DNM3: variants seen among roughly 807,000 people sequenced by gnomAD.
DNM3 encodes the protein dynamin 3, also known as dynamin-3.
DNM3 carries 47 observed loss-of-function variants against 101.6 expected under a neutral mutation model. That is an observed-to-expected ratio of 0.46 (90% CI 0.37 to 0.59). The LOEUF is 0.59. Ranked by LOEUF, DNM3 falls within the 20% of genes least tolerant of loss-of-function variation. The probability of loss-of-function intolerance (pLI) is 0.00; values close to 1 mark genes in which losing one functional copy is unlikely to be tolerated. For synonymous variants in DNM3, 385 were observed against 387.9 expected, an observed-to-expected ratio of 0.99 and a Z score of 0.09; for missense variants, 849 against 1,085.7, an observed-to-expected ratio of 0.78 and a Z score of 3.06.
chr1:172,077,529 T>A (rs542910996), intron 11 of DNM3, among the ~76,000 whole-genome samples: 4 of 152,332 alleles, frequency 2.6e-5, no homozygotes, highest in Admixed American at 2.0e-4. Context: ...CTCTCATTGG[T>A]TGCAAAGAAC....
intron 16 of DNM3, among the ~76,000 whole-genome samples, chr1:172,312,806 G>A (rs761632494): frequency 1.3e-5 from 2 of 152,126 alleles, no homozygotes; most frequent in African/African-American, 2.4e-5. Flanking sequence ...TCTACAATAT[G>A]ATAAGATCTA....
downstream of DNM3, chr1:172,415,307 C>G (rs936543361): frequency 7.2e-5 from 11 of 152,028 alleles, no homozygotes; most frequent in African/African-American, 2.4e-4. Context: ...TTCTCTCTGA[C>G]TCTCCAAAAA....
chr1:171,904,095 C>A (rs917309706), intron 1 of DNM3, among the ~76,000 whole-genome samples: 1 of 151,552 alleles, frequency 6.6e-6, no homozygotes, highest in Non-Finnish European at 1.5e-5. Flanking sequence ...ATCTCTTGAG[C>A]CCAGGAGTTT....
chr1:171,877,871 G>A (rs992543265), intron 1 of DNM3, among the ~76,000 whole-genome samples: 1 of 152,152 alleles, frequency 6.6e-6, no homozygotes, highest in Non-Finnish European at 1.5e-5. Context: ...GGTTTGAATC[G>A]TGGTTAAGAC....
chr1:172,020,574 T>C (rs933649414), intron 4 of DNM3, among the ~76,000 whole-genome samples: 3 of 151,346 alleles, frequency 2.0e-5, no homozygotes, highest in Non-Finnish European at 4.4e-5. Flanking sequence ...CAAAAAAAAA[T>C]TAGCCGGGCA....
chr1:172,323,302 T>G (rs1402060945), intron 16 of DNM3, 27 bp from the exon 17 acceptor site: 2 of 1,585,062 alleles, frequency 1.3e-6, no homozygotes, highest in Non-Finnish European at 1.7e-6. Flanking sequence ...ATATTTCTCT[T>G]TCTTTTCCTT....
intron 1 of DNM3, among the ~76,000 whole-genome samples, chr1:171,895,287 C>T (rs1383779882): frequency 1.3e-5 from 2 of 152,216 alleles, no homozygotes; most frequent in African/African-American, 2.4e-5. Flanking sequence ...TCCACATTCT[C>T]TCCAGCATCT....
chr1:172,321,156 AC>A (rs2065696094), intron 16 of DNM3, among the ~76,000 whole-genome samples: 1 of 152,154 alleles, frequency 6.6e-6, no homozygotes, highest in African/African-American at 2.4e-5. Flanking sequence ...TCTTGGACAA[AC>A]TCTGAAAGTG....
chr1:172,407,675 T>G, intron 20 of DNM3, 97 bp from the exon 21 acceptor site: 1 of 1,239,576 alleles, frequency 8.1e-7, no homozygotes, highest in Non-Finnish European at 1.2e-6. Context: ...TGTATGTGCA[T>G]GAGCATGTGT....
At chr1:171,882,168 A>AC (rs1370086846) in intron 1 of DNM3, among the ~76,000 whole-genome samples, 2 of 151,640 alleles carry the variant, frequency 1.3e-5, no homozygotes. Flanking sequence ...ACATGGAGAA[A>AC]CCCCATCTCT....
chr1:172,019,274 C>T (rs1192311212), intron 4 of DNM3, among the ~76,000 whole-genome samples: 2 of 151,494 alleles, frequency 1.3e-5, no homozygotes, highest in African/African-American at 4.9e-5. Context: ...GATAATTTTG[C>T]AGGGTACAGA....
chr1:172,236,101 A>G (rs1573067655), intron 14 of DNM3, among the ~76,000 whole-genome samples: 1 of 152,138 alleles, frequency 6.6e-6, no homozygotes, highest in Non-Finnish European at 1.5e-5. Flanking sequence ...CTCCACTCCA[A>G]AATGTGTTCC....
rs568914375 is a variant in DNM3, at chr1:172,234,398, G to A, written c.1660-19175G>A. 2.1e-4 allele frequency among the ~76,000 whole-genome samples: 32 copies of A among 151,912 alleles called. 1 individual carries two copies. In the East Asian group the frequency reaches 3.7e-3, roughly 17 times the overall value. ...CAACGAAATAAAAGAGGATACAAAT[G>A]GAAGAACATTCCATGCTCATGGATA... On this transcript the variant is annotated intron_variant, in intron 14 of 20. Coordinates refer to ENST00000627582, the MANE Select transcript of DNM3 (RefSeq NM_015569.5).
chr1:171,955,069 T>G (rs1158698545), intron 2 of DNM3, among the ~76,000 whole-genome samples: 1 of 152,232 alleles, frequency 6.6e-6, no homozygotes, highest in Non-Finnish European at 1.5e-5. Flanking sequence ...TGGGCAGTAC[T>G]GCTAAGTGAT....
chr1:171,986,358 A>G (rs2045255745), intron 2 of DNM3, among the ~76,000 whole-genome samples: 1 of 151,764 alleles, frequency 6.6e-6, no homozygotes, highest in South Asian at 2.1e-4. Context: ...GTTAATGCTA[A>G]CCTGCTTGAA....
chr1:172,211,785 T>C (rs769348820), intron 14 of DNM3, among the ~76,000 whole-genome samples: 2 of 152,100 alleles, frequency 1.3e-5, no homozygotes, highest in Non-Finnish European at 2.9e-5. Flanking sequence ...TTCTGCACAG[T>C]TTTCCTGCTG....
chr1:171,881,599 G>T (rs1260202937), intron 1 of DNM3, among the ~76,000 whole-genome samples: 1 of 152,184 alleles, frequency 6.6e-6, no homozygotes, highest in African/African-American at 2.4e-5. Flanking sequence ...CAGGGTCAGG[G>T]AGCTGGAGAG....
chr1:172,281,644 T>A (rs1219595212), intron 15 of DNM3, among the ~76,000 whole-genome samples: 1 of 152,204 alleles, frequency 6.6e-6, no homozygotes, highest in Non-Finnish European at 1.5e-5. Context: ...CTTTTTAAAA[T>A]ATACCAATGA....
intron 1 of DNM3, among the ~76,000 whole-genome samples, chr1:171,892,361 G>T (rs1409579229): frequency 1.3e-5 from 2 of 152,118 alleles, no homozygotes; most frequent in African/African-American, 4.8e-5. Flanking sequence ...CATTGTTATT[G>T]GATTGTAGCT....
Sources: gnomAD v4.1 joint callset for allele counts (sites outside exome capture counted in the v4.1 genomes callset) on GRCh38, gnomAD v4.1.1 for gene constraint, MANE v1.5 for transcripts, NCBI Gene and HGNC (gene_info 2026-07-23, HGNC 2026-07-21) for gene names.